EXOC3L4: variants seen among roughly 807,000 people sequenced by gnomAD.
EXOC3L4 encodes exocyst complex component 3 like 4.
Under a neutral mutation model 69.7 loss-of-function variants are expected in EXOC3L4, and 62 were observed. That is an observed-to-expected ratio of 0.89 (90% CI 0.72 to 1.10). The LOEUF is 1.10. Among genes scored for constraint, EXOC3L4 ranks in the 50% least tolerant of loss-of-function variants. EXOC3L4 has a pLI of 0.00. For synonymous variants in EXOC3L4, 502 were observed against 464.2 expected (o/e 1.08, Z -1.05); for missense variants, 1,087 against 1,034.8 (o/e 1.05, Z -0.69).
intron 3 of EXOC3L4, 27 bp from the exon 4 acceptor site, chr14:103,103,913 GC>G (rs1414750849): frequency 3.4e-6 from 5 of 1,492,180 alleles, no homozygotes; most frequent in Non-Finnish European, 1.8e-6. Flanking sequence ...AGCCGCTCCC[GC>G]CCCCAGCCCC....
chr14:103,095,897 C>G (rs1040881062), intron 1 of EXOC3L4, among the ~76,000 whole-genome samples: 1 of 152,208 alleles, frequency 6.6e-6, no homozygotes, highest in African/African-American at 2.4e-5. Context: ...TGCTCCTTCC[C>G]AGTGTTTACA....
At position 103,110,317 on chromosome 14, in the gene EXOC3L4, C is replaced by T. The variant is rs891883873; in HGVS notation, c.*94C>T. The T allele has an allele frequency of 2.1e-5, 29 of 1,400,910 alleles. No homozygotes were observed. Among genetic ancestry groups the T allele is most frequent in the Non-Finnish European group, 2.7e-5 (28 of 1,027,500 alleles). The allele number at this position is 1,400,910 out of a possible 1,614,324, so 86.8% of individuals were successfully genotyped here. On this transcript the variant is annotated 3_prime_UTR_variant, in exon 12 of 12. Transcript: ENST00000688303. ...CCAGGGAGTCACTCTGGGCCCTGCC[C>T]CCAACTCTGACACTGCAGTTAGGGA... is the stretch of plus-strand genomic sequence containing the variant.
chr14:103,107,326 G>C, intron 8 of EXOC3L4, 98 bp from the exon 9 acceptor site: 1 of 1,525,904 alleles, frequency 6.6e-7, no homozygotes, highest in African/African-American at 1.4e-5. Context: ...CCCAAACCCA[G>C]GAGGGAAGGG....
At chr14:103,106,722 C>T (rs1006294216) in intron 7 of EXOC3L4, 63 bp from the exon 8 acceptor site, 12 of 1,022,170 alleles carry the variant, frequency 1.2e-5, no homozygotes, top group African/African-American at 4.9e-5. Context: ...GCTGTGTGCC[C>T]GGCTCTATTC....
intron 3 of EXOC3L4, 141 bp from the exon 4 acceptor site, chr14:103,103,800 G>T (rs1329173936): frequency 2.2e-6 from 1 of 463,522 alleles, no homozygotes; most frequent in Non-Finnish European, 3.8e-6. Flanking sequence ...GCGCGCGCGT[G>T]TGTGTGTGTG....
chr14:103,110,559 A>G lies in EXOC3L4; in HGVS notation c.*336A>G. ...ATTTAAAAAATAAATGTGAATTAAA[A>G]TGGTGCCTCCCTAAGGAGTGGGCAG... is the stretch of plus-strand genomic sequence containing the variant. On this transcript the variant is annotated 3_prime_UTR_variant, in exon 12 of 12. Coordinates refer to ENST00000688303, the MANE Select transcript of EXOC3L4 (RefSeq NM_001077594.2). The G allele has an allele frequency of 5.2e-6, 2 of 383,586 alleles. No homozygotes were observed. Among genetic ancestry groups the G allele is most frequent in the Non-Finnish European group, 1.0e-5 (2 of 199,008 alleles). 23.8% of individuals were successfully genotyped at this position (383,586 alleles called of 1,614,324 possible).
chr14:103,101,896 A>T (rs1346073757), intron 2 of EXOC3L4, among the ~76,000 whole-genome samples: 1 of 152,248 alleles, frequency 6.6e-6, no homozygotes, highest in Non-Finnish European at 1.5e-5. Context: ...CTGTTCAGCC[A>T]GGCTTGGGGC....
chr14:103,105,071 A>C lies in EXOC3L4; in HGVS notation c.1465A>C (p.Arg489=). Residue 489 remains arginine (R), a splice_region_variant and synonymous_variant, in exon 7 of 12, where the codon AGG becomes CGG. Coordinates refer to ENST00000688303, the MANE Select transcript of EXOC3L4 (RefSeq NM_001077594.2). ...GAYINACEEL[R]TSLLSRFPGT... Reference sequence around the variant, plus strand: ...CTACATCAACGCCTGCGAGGAGCTCAGGTAGGGCTCGCCCGCTCCTGTGCG... The same window carrying C: ...CTACATCAACGCCTGCGAGGAGCTCCGGTAGGGCTCGCCCGCTCCTGTGCG... The C allele has an allele frequency of 5.6e-6, 9 of 1,601,658 alleles. No homozygotes were observed. The highest frequency in any genetic ancestry group is 7.7e-6 in the Non-Finnish European group (9 of 1,171,220).
chr14:103,103,809 T>C (rs1813800166), intron 3 of EXOC3L4, 132 bp from the exon 4 acceptor site: 1 of 598,940 alleles, frequency 1.7e-6, no homozygotes, highest in Non-Finnish European at 3.0e-6. Context: ...TGTGTGTGTG[T>C]GTGTGTGTGT....
rs377044258 is a variant in EXOC3L4, at chr14:103,102,720, G to A, written c.997G>A (p.Gly333Ser). ...RLQELARDAR[G>S]CEQLYILLDW... ...CCAGGAGCTCGCGCGCGACGCCCGC[G>A]GCTGCGAGCAGCTCTATATCCTGCT... is the stretch of plus-strand genomic sequence containing the variant. Residue 333 changes from glycine (G) to serine (S), a missense_variant, in exon 3 of 12, where the codon GGC (glycine) becomes AGC (serine). Gly to Ser is a moderately conservative substitution (Grantham distance 56). Transcript: ENST00000688303. 9.2e-5 allele frequency: 134 copies of A among 1,454,880 alleles called. No individual in the cohort carries two copies. The highest frequency in any genetic ancestry group is 1.2e-4 in the Non-Finnish European group (128 of 1,107,786). The allele number at this position is 1,454,880 out of a possible 1,614,324, so 90.1% of individuals were successfully genotyped here. A position where few individuals can be genotyped will look rare whatever the true frequency, so the allele number is the denominator to read the frequency against.
chr14:103,094,613 G>A (rs1327535069), upstream of EXOC3L4: 1 of 152,382 alleles, frequency 6.6e-6, no homozygotes, highest in Non-Finnish European at 1.5e-5. Flanking sequence ...CGAAAAGGAA[G>A]TGGGAACTTC....
At position 103,102,336 on chromosome 14, in the gene EXOC3L4, G is replaced by C. The variant is rs1377384819; in HGVS notation, c.613G>C (p.Gly205Arg). ...CGTGCGCGAGACGCTGGACAGCGAC[G>C]GTGTGGACGCGGCCGCGCTGGCCGA... ...AIVRETLDSD[G>R]VDAAALAELA... is the part of the protein sequence containing the mutation. The change falls in exon 3 of 12, where the codon GGT (glycine) becomes CGT (arginine). Residue 205 changes from glycine (G) to arginine (R), a missense_variant. Physicochemically the swap from Gly to Arg is moderately radical, Grantham distance 125 (BLOSUM62 -2). Transcript: ENST00000688303. 1 of 1,563,090 alleles carries C rather than the reference G, an allele frequency of 6.4e-7. No homozygotes were observed. The highest frequency in any genetic ancestry group is 1.4e-5 in the African/African-American group (1 of 73,830).
At chr14:103,096,558 G>T (rs1889896746) in intron 1 of EXOC3L4, among the ~76,000 whole-genome samples, 1 of 152,152 alleles carries the variant, frequency 6.6e-6, no homozygotes, top group Non-Finnish European at 1.5e-5. Context: ...TAGATGATTG[G>T]CTATTTGTTT....
Position 103,107,513 on chromosome 14 carries a change from T to C in EXOC3L4, c.1671T>C (p.His557=), listed in dbSNP as rs571066851. 6.2e-7 allele frequency: 1 copy of C among 1,613,628 alleles called. No individual in the cohort carries two copies. The highest frequency in any genetic ancestry group is 1.3e-5 in the African/African-American group (1 of 75,026). The stretch of plus-strand genomic sequence containing the variant: ...ACAAGGTGGTGACCTTCGCCGGTCA[T>C]CTCCAGCGTGTGGCCCGGCCGCGGG... ...LMDKVVTFAG[H]LQRVARPRAQ... The change falls in exon 9 of 12, where the codon CAT becomes CAC. Residue 557 remains histidine, a synonymous_variant. Transcript: ENST00000688303.
chr14:103,095,479 T>C (rs1595228343), intron 1 of EXOC3L4, among the ~76,000 whole-genome samples: 1 of 147,860 alleles, frequency 6.8e-6, no homozygotes, highest in East Asian at 2.0e-4. Flanking sequence ...TTCAATGAGT[T>C]GACAACTGAA....
rs1434118475 is a variant in EXOC3L4 at position 103,103,789 on chromosome 14, C to CGTGTGTGT, written c.1050-151_1050-150insTGTGTGTG. 1.4e-3 allele frequency: 628 copies of CGTGTGTGT among 461,110 alleles called. 5 individuals are homozygous for CGTGTGTGT. In the African/African-American group the frequency reaches 0.014, roughly 11 times the overall value. The allele number at this position is 461,110 out of a possible 1,614,324, so 28.6% of individuals were successfully genotyped here. Reference sequence around the variant, plus strand: ...GGGGTGTGGCATGGCAGCCTAGAGGCGCGCGCGCGTGTGTGTGTGTGTGTG... The same window carrying CGTGTGTGT: ...GGGGTGTGGCATGGCAGCCTAGAGGCGTGTGTGTGCGCGCGCGTGTGTGTGTGTGTGTG... On this transcript the variant is annotated intron_variant, in intron 3 of 11. Coordinates refer to ENST00000688303, the MANE Select transcript of EXOC3L4 (RefSeq NM_001077594.2).
Position 103,100,621 on chromosome 14 carries a change from C to T in EXOC3L4, c.394+8C>T, listed in dbSNP as rs1198976903. 1.3e-6 allele frequency: 2 copies of T among 1,595,750 alleles called. No homozygotes were observed. The highest frequency in any genetic ancestry group is 1.7e-6 in the Non-Finnish European group (2 of 1,167,996). Reference sequence around the variant, plus strand: ...AACTGAAACCCGAGGCAGGTAAGGGCCTCAGAAACAACACGAAGCATGAAA... The same window carrying T: ...AACTGAAACCCGAGGCAGGTAAGGGTCTCAGAAACAACACGAAGCATGAAA... On this transcript the variant is annotated splice_region_variant and intron_variant, in intron 2 of 11. Transcript: ENST00000688303.
At position 103,102,160 on chromosome 14, in the gene EXOC3L4, T is replaced by G. The variant is rs771654849; in HGVS notation, c.437T>G (p.Leu146Arg). 6.2e-7 allele frequency: 1 copy of G among 1,605,634 alleles called. No homozygotes were observed. The highest frequency in any genetic ancestry group is 1.7e-5 in the Admixed American group (1 of 59,366). ...VADLITERQL[L>R]AAFEQLLRLE... ...GACCTCATTACTGAACGGCAACTGCTGGCGGCCTTCGAACAGCTTCTGCGC... is the reference window on the plus strand; with the variant it reads ...GACCTCATTACTGAACGGCAACTGCGGGCGGCCTTCGAACAGCTTCTGCGC... Residue 146 changes from leucine to arginine, a missense_variant, in exon 3 of 12, where the codon CTG becomes CGG. Coordinates refer to ENST00000688303, the MANE Select transcript of EXOC3L4 (RefSeq NM_001077594.2).
chr14:103,107,756 G>A lies in EXOC3L4; in HGVS notation c.1827G>A (p.Gln609=), dbSNP rs1489507545. The change falls in exon 10 of 12, where the codon CAG becomes CAA. Residue 609 remains glutamine (Q), a synonymous_variant. Transcript: ENST00000688303. ...HGSQKMSLDA[Q]AISDTFQGLG... is the part of the protein sequence containing the mutation. ...CCCAGAAGATGAGCCTGGATGCCCA[G>A]GCCATCAGCGACACCTTCCAGGGCC... is the stretch of plus-strand genomic sequence containing the variant. The A allele has an allele frequency of 3.3e-6, 5 of 1,537,542 alleles. No individual in the cohort carries two copies. The highest frequency in any genetic ancestry group is 1.4e-5 in the African/African-American group (1 of 73,222).
Sources: allele counts gnomAD v4.1 joint callset (sites outside exome capture counted in the v4.1 genomes callset), GRCh38; gene constraint gnomAD v4.1.1; transcripts MANE v1.5; gene names NCBI Gene and HGNC (gene_info 2026-07-23, HGNC 2026-07-21).